The following DTD1 variants were observed in gnomAD, a reference collection of about 807,000 sequenced individuals.
The protein encoded by DTD1 is D-aminoacyl-tRNA deacylase 1.
In DTD1, 13 loss-of-function variants were observed where a neutral mutation model predicts 25.6. That is an observed-to-expected ratio of 0.51 (90% confidence interval 0.33 to 0.81). The LOEUF (loss-of-function observed/expected upper bound fraction) is 0.81. DTD1 is among the 30% of genes least tolerant of loss of function. The pLI is 0.02. For synonymous variants in DTD1, 110 were observed against 103.6 expected (o/e 1.06, Z -0.37); for missense variants, 193 against 266.4 (o/e 0.72, Z 1.92).
chr20:18,731,674 C>T (rs1048138676), intron 4 of DTD1, among the ~76,000 whole-genome samples: 1 of 152,114 alleles, frequency 6.6e-6, no homozygotes, highest in African/African-American at 2.4e-5. Flanking sequence ...GATGAAGACT[C>T]AACACTCTTC....
At position 18,614,174 on chromosome 20, in the gene DTD1, C is replaced by G. The variant is rs560239246; in HGVS notation, c.371-13953C>G. On this transcript the variant is annotated intron_variant, in intron 3 of 5. Coordinates refer to ENST00000377452, the MANE Select transcript of DTD1 (RefSeq NM_080820.6). ...TGACCTGGGGCACTGGACAGACCAGCCTCAGAGCAGAGATCAGGTTTTCCC... is the reference window on the plus strand; with the variant it reads ...TGACCTGGGGCACTGGACAGACCAGGCTCAGAGCAGAGATCAGGTTTTCCC... 2.6e-5 allele frequency among the ~76,000 whole-genome samples: 4 copies of G among 152,228 alleles called. No homozygotes were observed. In the South Asian group the frequency reaches 8.3e-4, roughly 32 times the overall value.
chr20:18,590,865 G>A (rs77174066), intron 1 of DTD1, among the ~76,000 whole-genome samples: 19,538 of 152,162 alleles, frequency 0.13, 1,621 homozygotes, highest in South Asian at 0.18. Flanking sequence ...ATTAACAGAC[G>A]GAATAGGGCA....
At chr20:18,670,742 T>C (rs772390668) in intron 4 of DTD1, among the ~76,000 whole-genome samples, 10 of 152,214 alleles carry the variant, frequency 6.6e-5, no homozygotes, top group Non-Finnish European at 1.5e-4. Flanking sequence ...CATTGGTTCA[T>C]GAGAGGCTAA....
At chr20:18,697,124 C>T (rs1044381276) in intron 4 of DTD1, among the ~76,000 whole-genome samples, 3 of 151,378 alleles carry the variant, frequency 2.0e-5, no homozygotes, top group Non-Finnish European at 2.9e-5. Context: ...CCCAGCTATT[C>T]GGGAGGCTGT....
At chr20:18,746,363 G>A (rs2061300162) in intron 5 of DTD1, among the ~76,000 whole-genome samples, 2 of 152,176 alleles carry the variant, frequency 1.3e-5, no homozygotes, top group Non-Finnish European at 2.9e-5. Context: ...GGTCAGAAGT[G>A]TACCTATGAA....
At chr20:18,593,021 G>A (rs749053667) in intron 1 of DTD1, among the ~76,000 whole-genome samples, 3 of 152,068 alleles carry the variant, frequency 2.0e-5, no homozygotes, top group Non-Finnish European at 4.4e-5. Flanking sequence ...GTATCGTCTA[G>A]TGGTAGTAGG....
At chr20:18,685,396 GC>G (rs2061012521) in intron 4 of DTD1, among the ~76,000 whole-genome samples, 2 of 152,230 alleles carry the variant, frequency 1.3e-5, no homozygotes, top group Non-Finnish European at 2.9e-5. Context: ...CCAGTTGGCT[GC>G]ACATGACGGG....
At chr20:18,731,683 T>C (rs1288662250) in intron 4 of DTD1, among the ~76,000 whole-genome samples, 1 of 152,240 alleles carries the variant, frequency 6.6e-6, no homozygotes, top group Non-Finnish European at 1.5e-5. Flanking sequence ...TCAACACTCT[T>C]CACTCCCTAC....
intron 5 of DTD1, among the ~76,000 whole-genome samples, chr20:18,760,447 T>G (rs931176560): frequency 3.9e-5 from 6 of 152,330 alleles, no homozygotes; most frequent in Middle Eastern, 6.8e-3. Context: ...TTGTTTTCCT[T>G]CTAATAGTCA....
intron 4 of DTD1, among the ~76,000 whole-genome samples, chr20:18,706,421 T>G (rs1293690628): frequency 6.6e-6 from 1 of 152,244 alleles, no homozygotes; most frequent in Non-Finnish European, 1.5e-5. Context: ...CTTTAGACTT[T>G]CTTCTTATGG....
intron 4 of DTD1, among the ~76,000 whole-genome samples, chr20:18,649,432 G>A (rs149175086): frequency 0.14 from 18,934 of 137,972 alleles, 1,540 homozygotes; most frequent in South Asian, 0.19. Context: ...TCCGCCTCCC[G>A]GGTTCACGCC....
chr20:18,675,000 T>A (rs916174760), intron 4 of DTD1: 1 of 152,288 alleles, frequency 6.6e-6, no homozygotes, highest in African/African-American at 2.4e-5. Context: ...GGGTCAGGAA[T>A]TTGGACCATT....
intron 4 of DTD1, among the ~76,000 whole-genome samples, chr20:18,685,405 G>A (rs980735742): frequency 2.6e-5 from 4 of 152,310 alleles, no homozygotes; most frequent in Admixed American, 6.5e-5. Context: ...TGCACATGAC[G>A]GGTGTATGTG....
chr20:18,631,951 G>A (rs1055850553), intron 4 of DTD1: 3 of 957,534 alleles, frequency 3.1e-6, no homozygotes, highest in East Asian at 2.3e-4. Context: ...GTTATTTTGG[G>A]TGAGTAAGTC....
chr20:18,655,530 T>C (rs6045538), intron 4 of DTD1, among the ~76,000 whole-genome samples: 152,095 of 152,288 alleles, frequency 1, 75,952 homozygotes, highest in Middle Eastern at 1. Flanking sequence ...TAATGGACCA[T>C]CATGCACCTG....
At chr20:18,686,656 G>GTGTGTGTA (rs145153338) in intron 4 of DTD1, among the ~76,000 whole-genome samples, 1 of 151,734 alleles carries the variant, frequency 6.6e-6, no homozygotes, top group Non-Finnish European at 1.5e-5. Context: ...CTGTGTGTGT[G>GTGTGTGTA]TGTGTGTGTG....
intron 3 of DTD1, among the ~76,000 whole-genome samples, chr20:18,600,089 G>C (rs1287744698): frequency 6.6e-6 from 1 of 152,014 alleles, no homozygotes; most frequent in Non-Finnish European, 1.5e-5. Context: ...GCCTTTCATG[G>C]AGAGGAAAAT....
At chr20:18,741,260 G>A (rs902865298) in intron 4 of DTD1, among the ~76,000 whole-genome samples, 2 of 151,660 alleles carry the variant, frequency 1.3e-5, no homozygotes, top group Admixed American at 1.3e-4. Context: ...GCGTGATCTC[G>A]GCTCACTGCA....
intron 4 of DTD1, among the ~76,000 whole-genome samples, chr20:18,673,036 AGTAACT>A (rs1197460945): frequency 6.6e-6 from 1 of 152,240 alleles, no homozygotes; most frequent in African/African-American, 2.4e-5. Flanking sequence ...ACAAGCGCTC[AGTAACT>A]GTTTATCGAA....
Sources: allele counts gnomAD v4.1 joint callset (sites outside exome capture counted in the v4.1 genomes callset), GRCh38; gene constraint gnomAD v4.1.1; transcripts MANE v1.5; gene names NCBI Gene and HGNC (gene_info 2026-07-23, HGNC 2026-07-21).